The following ST8SIA1 variants were observed in gnomAD, a reference collection of about 807,000 sequenced individuals.
The protein encoded by ST8SIA1 is alpha-N-acetylneuraminide alpha-2,8-sialyltransferase.
Under a neutral mutation model 35.9 loss-of-function variants are expected in ST8SIA1, and 16 were observed. The ratio of observed to expected loss-of-function variants is 0.45; its 90% CI spans 0.30 to 0.68. The LOEUF is 0.68. Ranked by LOEUF, ST8SIA1 falls within the 30% of genes least tolerant of loss-of-function variation. The pLI is 0.09. For missense variants in ST8SIA1, 383 were observed against 453.6 expected (o/e 0.84, Z 1.41); for synonymous variants, 170 against 169.6 (o/e 1.00, Z -0.02).
intron 2 of ST8SIA1, among the ~76,000 whole-genome samples, chr12:22,268,103 C>T (rs1865867920): frequency 6.6e-6 from 1 of 152,210 alleles, no homozygotes; most frequent in Non-Finnish European, 1.5e-5. Context: ...GTCTTTGTAA[C>T]TCTTAGTGTC....
At chr12:22,259,419 C>A (rs182688057) in intron 2 of ST8SIA1, among the ~76,000 whole-genome samples, 3 of 152,116 alleles carry the variant, frequency 2.0e-5, no homozygotes, top group Non-Finnish European at 4.4e-5. Flanking sequence ...TAACAGCACA[C>A]CAAAGCTTTA....
chr12:22,235,826 CCT>C (rs1865470794), intron 4 of ST8SIA1, among the ~76,000 whole-genome samples: 2 of 152,004 alleles, frequency 1.3e-5, no homozygotes, highest in South Asian at 2.1e-4. Flanking sequence ...CTCTCTGTCC[CCT>C]CAGTGCCATT....
chr12:22,226,636 T>A (rs542575439), intron 4 of ST8SIA1, among the ~76,000 whole-genome samples: 12 of 152,266 alleles, frequency 7.9e-5, no homozygotes, highest in Admixed American at 5.9e-4. Flanking sequence ...ATTATATTCA[T>A]CTCTCTGAGT....
intron 1 of ST8SIA1, among the ~76,000 whole-genome samples, chr12:22,295,527 G>A (rs1866233507): frequency 6.6e-6 from 1 of 152,130 alleles, no homozygotes. Context: ...GAGCCCAGGA[G>A]TTTGAGACCA....
At chr12:22,316,410 A>G (rs922846482) in intron 1 of ST8SIA1, among the ~76,000 whole-genome samples, 1 of 152,160 alleles carries the variant, frequency 6.6e-6, no homozygotes, top group Non-Finnish European at 1.5e-5. Flanking sequence ...GGAGAGGTGA[A>G]TTTTTGTTTT....
rs1443434790 is a variant in ST8SIA1, at chr12:22,266,807, G to T, written c.382-11418C>A. Reference sequence around the variant, plus strand: ...GTGAGACCCTGTCTCTTGAAAAAATGTGTGTACACATACTCACACCCACAC... The same window carrying T: ...GTGAGACCCTGTCTCTTGAAAAAATTTGTGTACACATACTCACACCCACAC... On this transcript the variant is annotated intron_variant, in intron 2 of 4. Transcript: ENST00000396037. Among the ~76,000 whole-genome samples the T allele has an allele frequency of 4.6e-5, 7 of 150,562 alleles. No individual in the cohort carries two copies. In the South Asian group the frequency reaches 1.5e-3, roughly 32 times the overall value.
At chr12:22,257,371 C>G (rs2135797666) in intron 2 of ST8SIA1, among the ~76,000 whole-genome samples, 1 of 144,920 alleles carries the variant, frequency 6.9e-6, no homozygotes, top group South Asian at 2.4e-4. Flanking sequence ...GTTACCATGC[C>G]CAGCTAATTT....
At chr12:22,236,181 C>G (rs1225262912) in intron 4 of ST8SIA1, among the ~76,000 whole-genome samples, 1 of 152,150 alleles carries the variant, frequency 6.6e-6, no homozygotes, top group Non-Finnish European at 1.5e-5. Flanking sequence ...CTCTCTTTTG[C>G]TTATCCCAAC....
At chr12:22,219,385 A>G (rs931485431) in intron 4 of ST8SIA1, among the ~76,000 whole-genome samples, 1 of 152,186 alleles carries the variant, frequency 6.6e-6, no homozygotes, top group Non-Finnish European at 1.5e-5. Context: ...AAATCTGAGA[A>G]GGGTGTGAAG....
At chr12:22,270,610 A>G (rs1163737531) in intron 2 of ST8SIA1, among the ~76,000 whole-genome samples, 1 of 152,206 alleles carries the variant, frequency 6.6e-6, no homozygotes, top group East Asian at 1.9e-4. Context: ...ATAAACTTTT[A>G]CGTGAACCTA....
intron 4 of ST8SIA1, among the ~76,000 whole-genome samples, chr12:22,204,948 C>G (rs937620748): frequency 6.6e-6 from 1 of 152,164 alleles, no homozygotes; most frequent in Non-Finnish European, 1.5e-5. Flanking sequence ...TCTCTCCAGC[C>G]TCATACTCAG....
rs1225376876 is a variant in ST8SIA1 at position 22,198,136 on chromosome 12, T to C, written c.*3416A>G. 2 of 152,192 alleles carry C rather than the reference T, an allele frequency of 1.3e-5. No individual in the cohort carries two copies. The highest frequency in any genetic ancestry group is 4.1e-4 in the South Asian group (2 of 4,830). 9.4% of individuals were successfully genotyped at this position (152,192 alleles called of 1,614,324 possible). ...AAAATTCTATCAGGGTACTAGTTTT[T>C]AGTCTCTTCACCCTTCCTTTTGCCC... On this transcript the variant is annotated 3_prime_UTR_variant, in exon 5 of 5. Coordinates refer to ENST00000396037, the MANE Select transcript of ST8SIA1 (RefSeq NM_003034.4).
At chr12:22,235,901 C>CACAA (rs1320320107) in intron 4 of ST8SIA1, among the ~76,000 whole-genome samples, 13 of 151,732 alleles carry the variant, frequency 8.6e-5, no homozygotes, top group Non-Finnish European at 1.5e-4. Context: ...ACCACACACA[C>CACAA]ACACACACAC....
At chr12:22,331,129 A>G (rs1004230390) in intron 1 of ST8SIA1, among the ~76,000 whole-genome samples, 3 of 152,242 alleles carry the variant, frequency 2.0e-5, no homozygotes, top group African/African-American at 7.2e-5. Flanking sequence ...AAAATTACAA[A>G]AGTAAATGGA....
chr12:22,262,544 T>C (rs1865804769), intron 2 of ST8SIA1, among the ~76,000 whole-genome samples: 2 of 152,224 alleles, frequency 1.3e-5, no homozygotes, highest in South Asian at 4.1e-4. Context: ...TCTTGAATGA[T>C]AATTGTGTGA....
At chr12:22,259,577 T>C (rs1489347911) in intron 2 of ST8SIA1, among the ~76,000 whole-genome samples, 1 of 152,132 alleles carries the variant, frequency 6.6e-6, no homozygotes, top group African/African-American at 2.4e-5. Context: ...GCCATTCTCC[T>C]GCCTCGGCCT....
intron 4 of ST8SIA1, among the ~76,000 whole-genome samples, chr12:22,238,594 T>C (rs1299316317): frequency 6.6e-6 from 1 of 152,162 alleles, no homozygotes; most frequent in Non-Finnish European, 1.5e-5. Context: ...ATACTAAAAT[T>C]ATTGCTGTTG....
At chr12:22,207,022 A>T (rs775662538) in intron 4 of ST8SIA1, among the ~76,000 whole-genome samples, 3 of 152,230 alleles carry the variant, frequency 2.0e-5, no homozygotes, top group Non-Finnish European at 4.4e-5. Context: ...CCAGAAAAAT[A>T]GCTATACAGT....
At chr12:22,227,598 C>T (rs191175868) in intron 4 of ST8SIA1, among the ~76,000 whole-genome samples, 1 of 151,678 alleles carries the variant, frequency 6.6e-6, no homozygotes, top group East Asian at 1.9e-4. Flanking sequence ...CAAAAACACA[C>T]AAAAAAAATG....
Sources: gnomAD v4.1 joint callset for allele counts (sites outside exome capture counted in the v4.1 genomes callset) on GRCh38, gnomAD v4.1.1 for gene constraint, MANE v1.5 for transcripts, NCBI Gene and HGNC (gene_info 2026-07-23, HGNC 2026-07-21) for gene names.